The following ADAM12 variants were observed in gnomAD, a reference collection of about 807,000 sequenced individuals.
The protein encoded by ADAM12 is ADAM metallopeptidase domain 12.
Under a neutral mutation model 106.4 loss-of-function variants are expected in ADAM12, and 70 were observed. That is an observed-to-expected ratio of 0.66 (90% confidence interval 0.54 to 0.80). The LOEUF (loss-of-function observed/expected upper bound fraction) is 0.80. Ranked by LOEUF, ADAM12 falls within the 30% of genes least tolerant of loss-of-function variation. The pLI is 0.00. For missense variants in ADAM12, 1,010 were observed against 1,171.9 expected (o/e 0.86, Z 2.02); for synonymous variants, 420 against 433.5 (o/e 0.97, Z 0.39).
chr10:126,364,150 A>T (rs1048780235), intron 1 of ADAM12, among the ~76,000 whole-genome samples: 61 of 151,884 alleles, frequency 4.0e-4, no homozygotes, highest in East Asian at 2.7e-3. Flanking sequence ...TTTTTTTTTT[A>T]AAAAAATCTA....
chr10:126,146,655 C>A (rs1389906239), intron 4 of ADAM12, among the ~76,000 whole-genome samples: 1 of 152,174 alleles, frequency 6.6e-6, no homozygotes, highest in African/African-American at 2.4e-5. Context: ...CAAGCACCAT[C>A]CTATAACATC....
intron 3 of ADAM12, among the ~76,000 whole-genome samples, chr10:126,175,539 T>A (rs1957205210): frequency 2.0e-5 from 3 of 152,242 alleles, no homozygotes; most frequent in Non-Finnish European, 4.4e-5. Flanking sequence ...TCTGTGTACA[T>A]GACTTGCTTT....
intron 3 of ADAM12, among the ~76,000 whole-genome samples, chr10:126,273,771 T>C (rs1351520873): frequency 6.6e-6 from 1 of 152,224 alleles, no homozygotes; most frequent in African/African-American, 2.4e-5. Context: ...TTAAGATTGC[T>C]GGATCCACAG....
chr10:126,036,318 G>T lies in ADAM12; in HGVS notation c.2357C>A (p.Pro786His), dbSNP rs1391349631. 5.7e-6 allele frequency: 9 copies of T among 1,570,094 alleles called. No homozygotes were observed. Among genetic ancestry groups the T allele is most frequent in the Non-Finnish European group, 7.7e-6 (9 of 1,163,722 alleles). Residue 786 changes from proline (P) to histidine (H), a missense_variant, in exon 21 of 23, where the codon CCC becomes CAC. This residue lies in a region of ADAM12 where 615 missense variants were observed against 708.5 expected (regional missense o/e 0.87). Transcript: ENST00000448723. The part of the protein sequence containing the change: ...PPDSYPPKDN[P>H]RRLLQCQNVD... ...ATTCTGACACTGCAGCAATCTCCTG[G>T]GATTGTCCTGTACAGTCAAAGTAAA...
chr10:126,090,223 G>A (rs1241395600), intron 11 of ADAM12, among the ~76,000 whole-genome samples: 1 of 151,672 alleles, frequency 6.6e-6, no homozygotes, highest in Non-Finnish European at 1.5e-5. Context: ...ACAGTGGCAG[G>A]GGCTCGGTGA....
chr10:126,377,449 G>A (rs543496803), intron 1 of ADAM12, among the ~76,000 whole-genome samples: 1 of 152,134 alleles, frequency 6.6e-6, no homozygotes, highest in East Asian at 1.9e-4. Context: ...GGCTAAGTCA[G>A]TCTAGTCTTT....
intron 14 of ADAM12, among the ~76,000 whole-genome samples, chr10:126,051,473 C>T: frequency 6.7e-6 from 1 of 149,822 alleles, no homozygotes; most frequent in South Asian, 2.1e-4. Context: ...GTCCATCCAT[C>T]CGTCCAGCCA....
chr10:126,271,067 G>A (rs1400913651), intron 3 of ADAM12, among the ~76,000 whole-genome samples: 1 of 152,002 alleles, frequency 6.6e-6, no homozygotes, highest in African/African-American at 2.4e-5. Flanking sequence ...GTTCTACAAG[G>A]GCCCTCCACA....
At chr10:126,198,501 G>A (rs909447133) in intron 3 of ADAM12, among the ~76,000 whole-genome samples, 1 of 152,178 alleles carries the variant, frequency 6.6e-6, no homozygotes, top group Non-Finnish European at 1.5e-5. Context: ...TATCTGGTTT[G>A]TGGACGCAAA....
intron 1 of ADAM12, among the ~76,000 whole-genome samples, chr10:126,372,564 C>A (rs909288802): frequency 6.6e-5 from 10 of 152,192 alleles, no homozygotes; most frequent in African/African-American, 2.4e-4. Context: ...CCAGAACACA[C>A]AGCACTCTTG....
intron 17 of ADAM12, among the ~76,000 whole-genome samples, chr10:126,044,924 G>A (rs992552441): frequency 3.9e-5 from 6 of 152,216 alleles, no homozygotes; most frequent in African/African-American, 1.4e-4. Context: ...TTGTGGTCAT[G>A]CGCCTTGTTT....
chr10:126,384,087 C>A (rs1425924891), intron 1 of ADAM12, among the ~76,000 whole-genome samples: 1 of 152,132 alleles, frequency 6.6e-6, no homozygotes, highest in Non-Finnish European at 1.5e-5. Context: ...AGAGGTACAG[C>A]AGCTATCATG....
intron 3 of ADAM12, among the ~76,000 whole-genome samples, chr10:126,212,422 C>T (rs73382629): frequency 0.058 from 8,812 of 152,220 alleles, 551 homozygotes; most frequent in East Asian, 0.2. Flanking sequence ...ATGTATCCTG[C>T]CCCTCAGCTT....
At chr10:126,121,480 A>G (rs1390429080) in intron 5 of ADAM12, among the ~76,000 whole-genome samples, 1 of 105,574 alleles carries the variant, frequency 9.5e-6, no homozygotes, top group Non-Finnish European at 1.9e-5. Flanking sequence ...CAGAAATTAT[A>G]TAATATGTAA....
Position 126,332,526 on chromosome 10 carries a change from T to TA in ADAM12, c.89-2018dup, listed in dbSNP as rs202017354. On this transcript the variant is annotated intron_variant, in intron 1 of 22. Coordinates refer to ENST00000448723, the MANE Select transcript of ADAM12 (RefSeq NM_001288973.2). ...TTGTCAATCAAACATTATTTCAAAG[T>TA]AAAAAAAAATTAAGAAGAAAAACAG... 6.9e-3 allele frequency among the ~76,000 whole-genome samples: 1,042 copies of TA among 151,586 alleles called. 10 individuals carry two copies. The highest frequency in any genetic ancestry group is 0.013 in the African/African-American group (542 of 41,330).
chr10:126,249,420 C>T (rs1958699557), intron 3 of ADAM12, among the ~76,000 whole-genome samples: 2 of 152,200 alleles, frequency 1.3e-5, no homozygotes, highest in African/African-American at 4.8e-5. Flanking sequence ...CAACACCAGG[C>T]GGGGCGCCAT....
intron 1 of ADAM12, among the ~76,000 whole-genome samples, chr10:126,358,045 G>T (rs1278573483): frequency 6.6e-6 from 1 of 152,016 alleles, no homozygotes; most frequent in Non-Finnish European, 1.5e-5. Flanking sequence ...GGGCGAGGTG[G>T]CGGGTGCCTG....
intron 3 of ADAM12, among the ~76,000 whole-genome samples, chr10:126,260,157 G>C (rs113691005): frequency 0.035 from 5,297 of 152,276 alleles, 331 homozygotes; most frequent in African/African-American, 0.12. Context: ...CCCATGGCTG[G>C]TGCCAAGTAG....
At chr10:126,051,440 T>G (rs1308386224) in intron 14 of ADAM12, among the ~76,000 whole-genome samples, 2 of 151,876 alleles carry the variant, frequency 1.3e-5, no homozygotes. Context: ...CACTCGTCCA[T>G]CCAGCCAGCC....
Sources: gnomAD v4.1 joint callset for allele counts (sites outside exome capture counted in the v4.1 genomes callset) on GRCh38, gnomAD v4.1.1 for gene constraint, gnomAD v4.1.1 regional missense constraint, MANE v1.5 for transcripts, NCBI Gene and HGNC (gene_info 2026-07-23, HGNC 2026-07-21) for gene names.